The following ABCA3 variants were observed in gnomAD, a reference collection of about 807,000 sequenced individuals.
ABCA3 encodes phospholipid-transporting ATPase ABCA3.
Under a neutral mutation model 172.8 loss-of-function variants are expected in ABCA3, and 88 were observed. The ratio of observed to expected loss-of-function variants is 0.51; its 90% CI spans 0.43 to 0.61. ABCA3 has a LOEUF of 0.61. ABCA3 is among the 20% of genes least tolerant of loss of function. The probability of loss-of-function intolerance (pLI) is 0.00; values close to 1 mark genes in which losing one functional copy is unlikely to be tolerated. For missense variants in ABCA3, 2,164 were observed against 2,301.0 expected (o/e 0.94, Z 1.22); for synonymous variants, 1,066 against 983.8 (o/e 1.08, Z -1.56).
chr16:2,291,812 G>A (rs879494476), intron 19 of ABCA3, among the ~76,000 whole-genome samples: 2 of 151,960 alleles, frequency 1.3e-5, no homozygotes, highest in Non-Finnish European at 2.9e-5. Context: ...GGTGCCTCAC[G>A]CCTGTAATAC....
chr16:2,308,412 G>A, intron 11 of ABCA3, 38 bp downstream of exon 11: 1 of 1,613,304 alleles, frequency 6.2e-7, no homozygotes, highest in Non-Finnish European at 8.5e-7. Context: ...GAAGGTTACT[G>A]ATTCGGAAAG....
intron 10 of ABCA3, among the ~76,000 whole-genome samples, chr16:2,316,277 C>T (rs1268346922): frequency 1.2e-4 from 16 of 137,494 alleles, no homozygotes; most frequent in Non-Finnish European, 2.0e-4. Flanking sequence ...CCATTGCACT[C>T]CAGCCTGGGC....
In ABCA3 at chr16:2,297,799, G is replaced by C; in HGVS notation, c.2019C>G (p.Leu673=). Residue 673 remains leucine (L), a synonymous_variant, in exon 16 of 33, where the codon CTC becomes CTG. Transcript: ENST00000301732. This position sits in a 1 kb window ranked among gnomAD's most constrained non-coding sequence, Gnocchi z 5.6. ...CTGCGATGAGGGCGATGCCGATGGA[G>C]AGCTTGCGCCTCATGCCCCCGCTCA... ...RFLSGGMRRK[L]SIGIALIAGS... is the part of the protein sequence containing the mutation. The C allele has an allele frequency of 6.2e-7, 1 of 1,613,302 alleles. No homozygotes were observed. The highest frequency in any genetic ancestry group is 8.5e-7 in the Non-Finnish European group (1 of 1,180,040).
At chr16:2,312,686 G>A (rs920957173) in intron 10 of ABCA3, among the ~76,000 whole-genome samples, 3 of 151,860 alleles carry the variant, frequency 2.0e-5, no homozygotes, top group East Asian at 1.9e-4. Flanking sequence ...CCACGACCAC[G>A]CCCAGCAAAT....
chr16:2,309,031 C>T (rs774481907), intron 10 of ABCA3, among the ~76,000 whole-genome samples: 8 of 152,066 alleles, frequency 5.3e-5, no homozygotes, highest in African/African-American at 1.2e-4. Context: ...CTGCAAGCTC[C>T]GCCTCCTGGG....
intron 10 of ABCA3, among the ~76,000 whole-genome samples, chr16:2,314,153 AG>A (rs2093711112): frequency 6.6e-6 from 1 of 152,210 alleles, no homozygotes; most frequent in East Asian, 1.9e-4. Context: ...GTACGCCCAA[AG>A]AATGAAAAGC....
intron 10 of ABCA3, among the ~76,000 whole-genome samples, chr16:2,314,428 C>A (rs1207086103): frequency 1.4e-5 from 2 of 143,624 alleles, no homozygotes; most frequent in Admixed American, 1.5e-4. Context: ...CTCATAGGGA[C>A]AGGAAGTAGG....
intron 3 of ABCA3, 113 bp from the exon 4 acceptor site, chr16:2,326,605 G>A: frequency 8.3e-7 from 1 of 1,203,260 alleles, no homozygotes; most frequent in Non-Finnish European, 1.2e-6. Flanking sequence ...CTTCTTTTGT[G>A]CCACTTTAAC....
At position 2,300,060 on chromosome 16, in the gene ABCA3, A is replaced by G. The variant is rs769503204; in HGVS notation, c.1556T>C (p.Phe519Ser). Residue 519 changes from phenylalanine to serine, a missense_variant, in exon 13 of 33, where the codon TTT (phenylalanine) becomes TCT (serine). Phe to Ser is a radical substitution (Grantham distance 155). Coordinates refer to ENST00000301732, the MANE Select transcript of ABCA3 (RefSeq NM_001089.3). Reference protein sequence around the residue: ...DPEKALRNEYFEAEPEDLVAG... With the variant: ...DPEKALRNEYSEAEPEDLVAG... ...CACCAGGTCCTCTGGCTCGGCTTCA[A>G]AGTACTCGTTTCTGAGTGCTTTCTC... 6.8e-6 allele frequency: 11 copies of G among 1,613,034 alleles called. No homozygotes were observed. The highest frequency in any genetic ancestry group is 9.3e-6 in the Non-Finnish European group (11 of 1,179,840).
At position 2,298,440 on chromosome 16, in the gene ABCA3, G is replaced by C. The variant is rs201278906; in HGVS notation, c.1842C>G (p.His614Gln). 3 of 1,614,156 alleles carry C rather than the reference G, an allele frequency of 1.9e-6. No homozygotes were observed. The African/African-American group carries it at 4.0e-5, about 22-fold the overall frequency. Residue 614 changes from histidine to glutamine, a missense_variant, in exon 15 of 33, where the codon CAC (histidine) becomes CAG (glutamine). Transcript: ENST00000301732. ...IRKSLGLCPQ[H>Q]DILFDNLTVA... is the part of the protein sequence containing the mutation. Reference sequence around the variant, plus strand: ...CTGTCAAGTTGTCAAACAGGATGTCGTGCTGCGGGCACAGGCCCAGGCTCT... The same window carrying C: ...CTGTCAAGTTGTCAAACAGGATGTCCTGCTGCGGGCACAGGCCCAGGCTCT...
Position 2,308,604 on chromosome 16 carries a change from G to A in ABCA3, c.1131C>T (p.Phe377=), listed in dbSNP as rs372074938. The part of the protein sequence containing the change: ...FFSKANMAAA[F]GGFLYFFTYI... Reference sequence around the variant, plus strand: ...AGGTGAAGAAGTAGAGGAAGCCTCCGAAGGCTGCTGCCATGTTGGCTGCAG... The same window carrying A: ...AGGTGAAGAAGTAGAGGAAGCCTCCAAAGGCTGCTGCCATGTTGGCTGCAG... The change falls in exon 11 of 33, where the codon TTC becomes TTT. Residue 377 remains phenylalanine (F), a synonymous_variant. Transcript: ENST00000301732. 4.8e-5 allele frequency: 77 copies of A among 1,613,976 alleles called. No individual in the cohort carries two copies. The highest frequency in any genetic ancestry group is 6.4e-5 in the Non-Finnish European group (75 of 1,179,978).
intron 12 of ABCA3, among the ~76,000 whole-genome samples, chr16:2,303,431 T>G (rs2093692647): frequency 6.6e-6 from 1 of 151,922 alleles, no homozygotes; most frequent in Admixed American, 6.6e-5. Flanking sequence ...CCGGCTAGTT[T>G]TTTTTTTATT....
chr16:2,335,608 T>C (rs1387412915), intron 1 of ABCA3, among the ~76,000 whole-genome samples: 1 of 152,186 alleles, frequency 6.6e-6, no homozygotes, highest in Non-Finnish European at 1.5e-5. Context: ...GACCCTGGTG[T>C]TCACGCTGGC....
chr16:2,332,644 C>T (rs1028522753), intron 1 of ABCA3: 11 of 1,602,500 alleles, frequency 6.9e-6, no homozygotes, highest in African/African-American at 6.7e-5. Flanking sequence ...CTCCAGGGGC[C>T]GCCCGTTCAC....
chr16:2,320,985 CTTT>C (rs368507865), intron 7 of ABCA3, among the ~76,000 whole-genome samples: 4 of 135,996 alleles, frequency 2.9e-5, no homozygotes, highest in Admixed American at 7.5e-5. Context: ...CTGCTATGTG[CTTT>C]TTTTTTTTTT....
intron 1 of ABCA3, among the ~76,000 whole-genome samples, chr16:2,337,941 T>G (rs879596233): frequency 5.9e-5 from 9 of 152,224 alleles, no homozygotes; most frequent in Admixed American, 3.9e-4. Flanking sequence ...TAGGGTGTAT[T>G]TTTAAGCCAG....
Position 2,277,949 on chromosome 16 carries a change from G to A in ABCA3, c.4839C>T (p.Ala1613=). 7 of 1,612,252 alleles carry A rather than the reference G, an allele frequency of 4.3e-6. No homozygotes were observed. The highest frequency in any genetic ancestry group is 5.9e-6 in the Non-Finnish European group (7 of 1,179,998). ...CCTGTTGCCCTTCACTCTGCACCTT[G>A]GCCCGCAGGGAGTAGCCGCTGCCGA... ...SKFGSGYSLR[A]KVQSEGQQEA... is the part of the protein sequence containing the mutation. The change falls in exon 31 of 33, where the codon GCC becomes GCT. Residue 1613 remains alanine, a synonymous_variant. Transcript: ENST00000301732. This position sits in a 1 kb window ranked among gnomAD's most constrained non-coding sequence, Gnocchi z 5.3.
chr16:2,307,459 G>A (rs568590491), intron 11 of ABCA3, among the ~76,000 whole-genome samples: 2 of 152,202 alleles, frequency 1.3e-5, no homozygotes, highest in African/African-American at 2.4e-5. Context: ...GGAGGCTGAG[G>A]TGGGAGGATC....
In ABCA3 at chr16:2,323,735, AG is replaced by A. The variant is rs755138136; in HGVS notation, c.448-48del. 7.3e-5 allele frequency: 117 copies of A among 1,611,490 alleles called. 1 individual carries two copies. The African/African-American group carries it at 1.4e-3, about 19-fold the overall frequency. On this transcript the variant is annotated intron_variant, in intron 6 of 32. Coordinates refer to ENST00000301732, the MANE Select transcript of ABCA3 (RefSeq NM_001089.3). Reference sequence around the variant, plus strand: ...CAGCTGTTCCGAGAGATCCAGACAGAGGGGCAAACAACAGGGTGGAGTGGGA... The same window carrying A: ...CAGCTGTTCCGAGAGATCCAGACAGAGGGCAAACAACAGGGTGGAGTGGGA...
Sources: allele counts gnomAD v4.1 joint callset (sites outside exome capture counted in the v4.1 genomes callset), GRCh38; gene constraint gnomAD v4.1.1; non-coding constraint Gnocchi (gnomAD v3.1); transcripts MANE v1.5; gene names NCBI Gene and HGNC (gene_info 2026-07-23, HGNC 2026-07-21).